NFATC2: variants seen among roughly 807,000 people sequenced by gnomAD.
The protein encoded by NFATC2 is nuclear factor of activated T-cells, cytoplasmic 2.
A neutral mutation model predicts 87.3 loss-of-function variants in NFATC2; 22 were observed. That is an observed-to-expected ratio of 0.25 (90% CI 0.18 to 0.36). The LOEUF is 0.36. NFATC2 is among the 10% of genes least tolerant of loss of function. NFATC2 has a pLI of 1.00. For synonymous variants in NFATC2, 565 were observed against 542.2 expected, an observed-to-expected ratio of 1.04 and a Z score of -0.58; for missense variants, 1,149 against 1,259.1, an observed-to-expected ratio of 0.91 and a Z score of 1.32.
chr20:51,482,344 A>G (rs1278293350), intron 3 of NFATC2, among the ~76,000 whole-genome samples: 2 of 143,704 alleles, frequency 1.4e-5, no homozygotes, highest in African/African-American at 2.6e-5. Flanking sequence ...AAAGGCATCA[A>G]TATCTGTTGA....
chr20:51,509,203 C>T (rs2076233556), intron 3 of NFATC2, among the ~76,000 whole-genome samples: 1 of 152,162 alleles, frequency 6.6e-6, no homozygotes, highest in South Asian at 2.1e-4. Context: ...TCCCAATTCT[C>T]CTTGGCCTGA....
Position 51,523,923 on chromosome 20 carries a change from G to A in NFATC2, c.318C>T (p.Ala106=), listed in dbSNP as rs765260808. The A allele has an allele frequency of 1.2e-6, 2 of 1,602,228 alleles. No homozygotes were observed. Among genetic ancestry groups the A allele is most frequent in the Non-Finnish European group, 1.7e-6 (2 of 1,176,796 alleles). Residue 106 remains alanine, a synonymous_variant, in exon 2 of 11, where the codon GCC becomes GCT. Transcript: ENST00000371564. This position sits in a 1 kb window ranked among gnomAD's most constrained non-coding sequence, Gnocchi z 6.9. ...KFLSAAKPAG[A]SGLSPRIEIT... is the part of the protein sequence containing the mutation. Reference sequence around the variant, plus strand: ...TCTCGATCCGAGGGCTCAGGCCCGAGGCCCCTGCTGGCTTGGCCGCGCTCA... The same window carrying A: ...TCTCGATCCGAGGGCTCAGGCCCGAAGCCCCTGCTGGCTTGGCCGCGCTCA...
upstream of NFATC2, chr20:51,542,721 C>A: frequency 2.2e-6 from 2 of 911,702 alleles, no homozygotes; most frequent in Non-Finnish European, 2.6e-6. Context: ...CTTCCTGCTC[C>A]GGAGGCACCT....
At chr20:51,551,383 C>T (rs1460728130) in intron 1 of NFATC2, among the ~76,000 whole-genome samples, 1 of 152,070 alleles carries the variant, frequency 6.6e-6, no homozygotes, top group African/African-American at 2.4e-5. Context: ...TAATGTTGAT[C>T]TTGTCTTTAT....
At chr20:51,476,846 A>T (rs1320335571) in intron 3 of NFATC2, among the ~76,000 whole-genome samples, 1 of 152,208 alleles carries the variant, frequency 6.6e-6, no homozygotes, top group Non-Finnish European at 1.5e-5. Flanking sequence ...ATGAGATACC[A>T]CTTTTCACCT....
intron 1 of NFATC2, among the ~76,000 whole-genome samples, chr20:51,536,359 A>G (rs6067814): frequency 0.22 from 33,429 of 151,980 alleles, 4,129 homozygotes; most frequent in Non-Finnish European, 0.29. Flanking sequence ...TCAGTGCCCA[A>G]GTTCAAGGCC....
chr20:51,542,354 G>GGT lies in NFATC2; in HGVS notation c.130+14_130+15dup. The GGT allele has an allele frequency of 6.2e-7, 1 of 1,603,226 alleles. No individual in the cohort carries two copies. Among genetic ancestry groups the GGT allele is most frequent in the Non-Finnish European group, 8.5e-7 (1 of 1,174,600 alleles). On this transcript the variant is annotated intron_variant, in intron 1 of 10. Transcript: ENST00000371564. ...TGGCGGGCTCAGGGGCCAGGCCAGGGGTAGCCTCCACCGACCTTCGTTCGG... is the reference window on the plus strand; with the variant it reads ...TGGCGGGCTCAGGGGCCAGGCCAGGGGTGTAGCCTCCACCGACCTTCGTTCGG...
intron 5 of NFATC2, among the ~76,000 whole-genome samples, chr20:51,456,966 G>C (rs1439867988): frequency 1.3e-5 from 2 of 152,202 alleles, no homozygotes; most frequent in African/African-American, 4.8e-5. Context: ...CCAATCCCCT[G>C]ATGGCTTTTC....
intron 3 of NFATC2, among the ~76,000 whole-genome samples, chr20:51,491,377 C>T (rs2075880727): frequency 6.6e-6 from 1 of 152,192 alleles, no homozygotes; most frequent in Non-Finnish European, 1.5e-5. Context: ...GGTAGCCCGT[C>T]TGTCTGTCTT....
intron 3 of NFATC2, among the ~76,000 whole-genome samples, chr20:51,493,813 G>A (rs2075940711): frequency 6.6e-6 from 1 of 152,150 alleles, no homozygotes; most frequent in Non-Finnish European, 1.5e-5. Flanking sequence ...ACTGTGATGG[G>A]CATCAAACGC....
At chr20:51,517,400 G>A (rs1600926055) in intron 2 of NFATC2, among the ~76,000 whole-genome samples, 1 of 152,038 alleles carries the variant, frequency 6.6e-6, no homozygotes, top group East Asian at 1.9e-4. Context: ...GACAGCCTGG[G>A]CAACACGGAG....
At position 51,390,398 on chromosome 20, in the gene NFATC2, A is replaced by G. The variant is rs1191020121; in HGVS notation, c.*1098T>C. 6.6e-6 allele frequency: 1 copy of G among 152,208 alleles called. No homozygotes were observed. Among genetic ancestry groups the G allele is most frequent in the African/African-American group, 2.4e-5 (1 of 41,450 alleles). The allele number at this position is 152,208 out of a possible 1,614,324, so 9.4% of individuals were successfully genotyped here. ...GCTGTTTTACTTAACAAAAATACCCACACTTCTTTTCTTGGTTGCTTTAGC... is the reference window on the plus strand; with the variant it reads ...GCTGTTTTACTTAACAAAAATACCCGCACTTCTTTTCTTGGTTGCTTTAGC... On this transcript the variant is annotated 3_prime_UTR_variant, in exon 11 of 11. Transcript: ENST00000371564.
intron 5 of NFATC2, among the ~76,000 whole-genome samples, chr20:51,468,072 A>G (rs1350405914): frequency 6.6e-6 from 1 of 152,240 alleles, no homozygotes; most frequent in African/African-American, 2.4e-5. Context: ...AAGGGTACAC[A>G]CTGTATTAAT....
chr20:51,431,969 A>C, intron 9 of NFATC2, 98 bp downstream of exon 9: 4 of 1,293,772 alleles, frequency 3.1e-6, no homozygotes, highest in Non-Finnish European at 4.2e-6. Flanking sequence ...TGAGGCCCAA[A>C]GAGATTACGG....
At chr20:51,507,755 G>A (rs74422706) in intron 3 of NFATC2, among the ~76,000 whole-genome samples, 3,611 of 152,354 alleles carry the variant, frequency 0.024, 61 homozygotes, top group Non-Finnish European at 0.034. Context: ...GGCTGTGGCT[G>A]CAGACGTCCT....
intron 1 of NFATC2, among the ~76,000 whole-genome samples, chr20:51,538,135 T>C (rs1474146161): frequency 3.9e-5 from 6 of 152,126 alleles, no homozygotes; most frequent in South Asian, 2.1e-4. Flanking sequence ...CTAAACCTGA[T>C]AGCACAAAAA....
intron 5 of NFATC2, among the ~76,000 whole-genome samples, chr20:51,458,348 C>T (rs1251722864): frequency 6.6e-6 from 1 of 152,210 alleles, no homozygotes; most frequent in South Asian, 2.1e-4. Flanking sequence ...CACCCTACCC[C>T]CCAGCTGTGA....
chr20:51,499,641 G>T (rs986620802), intron 3 of NFATC2, among the ~76,000 whole-genome samples: 1 of 151,650 alleles, frequency 6.6e-6, no homozygotes, highest in Admixed American at 6.6e-5. Context: ...TGCTTTGGAG[G>T]CTGAGGCAGG....
intron 3 of NFATC2, among the ~76,000 whole-genome samples, chr20:51,491,716 G>C (rs2075887821): frequency 6.6e-6 from 1 of 151,886 alleles, no homozygotes; most frequent in Non-Finnish European, 1.5e-5. Context: ...CACGAAAACG[G>C]GCTCCAGGAC....
Sources: gnomAD v4.1 joint callset for allele counts (sites outside exome capture counted in the v4.1 genomes callset) on GRCh38, gnomAD v4.1.1 for gene constraint, Gnocchi (gnomAD v3.1) non-coding constraint, MANE v1.5 for transcripts, NCBI Gene and HGNC (gene_info 2026-07-23, HGNC 2026-07-21) for gene names.